The following ARHGAP15 variants were observed in gnomAD, a reference collection of about 807,000 sequenced individuals.
The protein encoded by ARHGAP15 is rho GTPase-activating protein 15.
In ARHGAP15, 51 loss-of-function variants were observed where a neutral mutation model predicts 63.7. That is an observed-to-expected ratio of 0.80 (90% CI 0.64 to 1.01). ARHGAP15 has a LOEUF of 1.01. Ranked by LOEUF, ARHGAP15 falls within the 50% of genes least tolerant of loss-of-function variation. The pLI is 0.00. For missense variants in ARHGAP15, 560 were observed against 564.6 expected, an observed-to-expected ratio of 0.99 and a Z score of 0.08; for synonymous variants, 191 against 193.8, an observed-to-expected ratio of 0.99 and a Z score of 0.12.
intron 6 of ARHGAP15, among the ~76,000 whole-genome samples, chr2:143,389,367 G>T (rs1278878705): frequency 6.6e-6 from 1 of 152,048 alleles, no homozygotes; most frequent in Non-Finnish European, 1.5e-5. Context: ...TATTCTTACA[G>T]ATACTGAAAG....
intron 11 of ARHGAP15, among the ~76,000 whole-genome samples, chr2:143,615,325 C>A (rs1698414228): frequency 6.6e-6 from 1 of 152,048 alleles, no homozygotes; most frequent in Non-Finnish European, 1.5e-5. Context: ...GAAATACTTC[C>A]AGACAGAAAA....
chr2:143,612,351 TCA>T (rs780691139), intron 11 of ARHGAP15, among the ~76,000 whole-genome samples: 14 of 152,154 alleles, frequency 9.2e-5, no homozygotes, highest in Non-Finnish European at 1.5e-4. Context: ...AGAAATGCAA[TCA>T]CACAGCCAGT....
At chr2:143,665,161 A>C (rs935923814) in intron 12 of ARHGAP15, among the ~76,000 whole-genome samples, 2 of 149,932 alleles carry the variant, frequency 1.3e-5, no homozygotes, top group African/African-American at 4.9e-5. Context: ...TGATGCAAAA[A>C]TCCTCAATAA....
chr2:143,713,287 C>T (rs935586796), intron 13 of ARHGAP15, among the ~76,000 whole-genome samples: 16 of 152,118 alleles, frequency 1.1e-4, no homozygotes, highest in African/African-American at 3.1e-4. Flanking sequence ...AAAATGGAAA[C>T]CCCTGACAAA....
intron 6 of ARHGAP15, among the ~76,000 whole-genome samples, chr2:143,368,816 G>C (rs1444680292): frequency 6.6e-6 from 1 of 152,024 alleles, no homozygotes; most frequent in Non-Finnish European, 1.5e-5. Context: ...GAAAAATAGA[G>C]CTGTGAAATG....
At chr2:143,432,506 T>C (rs1689432454) in intron 6 of ARHGAP15, among the ~76,000 whole-genome samples, 1 of 152,044 alleles carries the variant, frequency 6.6e-6, no homozygotes, top group African/African-American at 2.4e-5. Context: ...GACTTGCATC[T>C]ACCTGCCTCC....
At chr2:143,329,151 T>C (rs913741034) in intron 6 of ARHGAP15, among the ~76,000 whole-genome samples, 2 of 152,234 alleles carry the variant, frequency 1.3e-5, no homozygotes, top group Admixed American at 6.5e-5. Flanking sequence ...GCCTCCATGA[T>C]CTCTGTTCCC....
intron 8 of ARHGAP15, among the ~76,000 whole-genome samples, chr2:143,449,400 A>G (rs937601763): frequency 3.3e-5 from 5 of 151,994 alleles, no homozygotes; most frequent in Admixed American, 1.3e-4. Flanking sequence ...ACATAATCTC[A>G]CATGTAGCCT....
chr2:143,256,712 C>T (rs1399091815), intron 6 of ARHGAP15, among the ~76,000 whole-genome samples: 1 of 152,002 alleles, frequency 6.6e-6, no homozygotes, highest in African/African-American at 2.4e-5. Context: ...TTTAGCTTCA[C>T]TTTTGTTGAT....
chr2:143,580,877 A>G (rs4662207), intron 11 of ARHGAP15, among the ~76,000 whole-genome samples: 124,587 of 151,496 alleles, frequency 0.82, 51,345 homozygotes, highest in South Asian at 0.85. Context: ...AAGCTGTGCA[A>G]GAAAGTGCCT....
intron 6 of ARHGAP15, among the ~76,000 whole-genome samples, chr2:143,402,258 A>G (rs1257265597): frequency 6.6e-6 from 1 of 151,942 alleles, no homozygotes; most frequent in Non-Finnish European, 1.5e-5. Context: ...TTACAATGAT[A>G]TAAAAAATGC....
At chr2:143,547,176 C>T (rs986975492) in intron 10 of ARHGAP15, among the ~76,000 whole-genome samples, 4 of 152,268 alleles carry the variant, frequency 2.6e-5, no homozygotes, top group South Asian at 4.1e-4. Context: ...AGGCTTCATG[C>T]AGTTAGGCCT....
intron 2 of ARHGAP15, among the ~76,000 whole-genome samples, chr2:143,181,459 T>A (rs892678205): frequency 1.3e-5 from 2 of 152,246 alleles, no homozygotes; most frequent in Non-Finnish European, 2.9e-5. Context: ...ACATTGAAAA[T>A]GTGTTGTTTA....
At position 143,410,837 on chromosome 2, in the gene ARHGAP15, A is replaced by G. The variant is rs1216598107; in HGVS notation, c.475-24764A>G. Reference sequence around the variant, plus strand: ...GTTTTTTTTTTTTTTTTGAAAAAGTATAGTTAGGTTTTGTTGATGACAGGG... The same window carrying G: ...GTTTTTTTTTTTTTTTTGAAAAAGTGTAGTTAGGTTTTGTTGATGACAGGG... On this transcript the variant is annotated intron_variant, in intron 6 of 13. Coordinates refer to ENST00000295095, the MANE Select transcript of ARHGAP15 (RefSeq NM_018460.4). Among the ~76,000 whole-genome samples, 5 of 148,320 alleles carry G rather than the reference A, an allele frequency of 3.4e-5. No individual in the cohort carries two copies. The South Asian group carries it at 8.5e-4, about 25-fold the overall frequency.
chr2:143,662,923 C>A (rs947001524), intron 12 of ARHGAP15, among the ~76,000 whole-genome samples: 1 of 144,946 alleles, frequency 6.9e-6, no homozygotes, highest in Non-Finnish European at 1.5e-5. Flanking sequence ...TGTGAAAAGA[C>A]CAACTCTACG....
chr2:143,530,327 G>C (rs1054925925), intron 10 of ARHGAP15, among the ~76,000 whole-genome samples: 21 of 152,054 alleles, frequency 1.4e-4, no homozygotes, highest in African/African-American at 4.8e-4. Flanking sequence ...ATCTTGAATA[G>C]GATAGGACGG....
rs185933182 is a variant in ARHGAP15, at chr2:143,391,059, C to T, written c.475-44542C>T. ...TGAAAGTTCACAGTGGAGGTGGAAG[C>T]GCGGTAGAATATAAAAGGTAAAGAA... is the stretch of plus-strand genomic sequence containing the variant. On this transcript the variant is annotated intron_variant, in intron 6 of 13. Coordinates refer to ENST00000295095, the MANE Select transcript of ARHGAP15 (RefSeq NM_018460.4). Among the ~76,000 whole-genome samples, 6 of 152,166 alleles carry T rather than the reference C, an allele frequency of 3.9e-5. No homozygotes were observed. In the East Asian group the frequency reaches 9.7e-4, roughly 24 times the overall value.
intron 6 of ARHGAP15, among the ~76,000 whole-genome samples, chr2:143,356,552 C>T (rs1403899317): frequency 6.6e-6 from 1 of 152,020 alleles, no homozygotes; most frequent in Non-Finnish European, 1.5e-5. Flanking sequence ...ATTCTATATA[C>T]TATGGAAATG....
At chr2:143,389,134 ATTTT>A (rs869247380) in intron 6 of ARHGAP15, among the ~76,000 whole-genome samples, 1 of 138,560 alleles carries the variant, frequency 7.2e-6, no homozygotes, top group African/African-American at 2.6e-5. Flanking sequence ...TATTATTATT[ATTTT>A]TTATTATTAT....
Sources: gnomAD v4.1 joint callset for allele counts (sites outside exome capture counted in the v4.1 genomes callset) on GRCh38, gnomAD v4.1.1 for gene constraint, MANE v1.5 for transcripts, NCBI Gene and HGNC (gene_info 2026-07-23, HGNC 2026-07-21) for gene names.